Variants in PCCA observed in about 807,000 individuals in gnomAD.
PCCA encodes propionyl-CoA carboxylase subunit alpha.
PCCA carries 74 observed loss-of-function variants against 101.3 expected under a neutral mutation model. The observed-to-expected ratio is 0.73, with a 90% CI of 0.61 to 0.89. The LOEUF (loss-of-function observed/expected upper bound fraction) is 0.89. Ranked by LOEUF, PCCA falls within the 40% of genes least tolerant of loss-of-function variation. The pLI is 0.00. For missense variants in PCCA, 891 were observed against 907.0 expected (o/e 0.98, Z 0.23); for synonymous variants, 294 against 313.6 (o/e 0.94, Z 0.66).
intron 21 of PCCA, among the ~76,000 whole-genome samples, chr13:100,497,502 A>G (rs1026807223): frequency 6.6e-6 from 1 of 150,584 alleles, no homozygotes; most frequent in Non-Finnish European, 1.5e-5. Context: ...GTAAGTACTG[A>G]CTTACCAAGG....
intron 16 of PCCA, among the ~76,000 whole-genome samples, chr13:100,328,732 C>A (rs572625881): frequency 7.4e-6 from 1 of 134,242 alleles, no homozygotes; most frequent in African/African-American, 2.9e-5. Flanking sequence ...CTAGCTCCGT[C>A]GCTGAGGTGG....
At chr13:100,527,594 GA>G in intron 22 of PCCA, 80 bp from the exon 23 acceptor site, 2 of 961,656 alleles carry the variant, frequency 2.1e-6, no homozygotes, top group Non-Finnish European at 3.4e-6. Flanking sequence ...ATTTGACAAA[GA>G]ATTTCTTAAT....
chr13:100,290,600 T>G (rs9300597), intron 12 of PCCA, among the ~76,000 whole-genome samples: 65,862 of 152,054 alleles, frequency 0.43, 16,004 homozygotes, highest in South Asian at 0.65. Flanking sequence ...TAACCCTGCC[T>G]TTTAGTCCAT....
intron 19 of PCCA, among the ~76,000 whole-genome samples, chr13:100,382,183 G>C (rs1407106445): frequency 6.6e-6 from 1 of 152,194 alleles, no homozygotes; most frequent in Non-Finnish European, 1.5e-5. Context: ...GTAAATGCAG[G>C]AATGATTTTA....
At chr13:100,456,002 A>G (rs1045229434) in intron 21 of PCCA, among the ~76,000 whole-genome samples, 6 of 152,156 alleles carry the variant, frequency 3.9e-5, no homozygotes, top group Non-Finnish European at 5.9e-5. Flanking sequence ...GCCCGGCCAT[A>G]TGCAATAGTT....
chr13:100,143,876 T>A (rs916426916), intron 4 of PCCA, among the ~76,000 whole-genome samples: 1 of 151,866 alleles, frequency 6.6e-6, no homozygotes, highest in African/African-American at 2.4e-5. Flanking sequence ...TGCCTCAGCC[T>A]CCCAAGCAGC....
At chr13:100,463,452 T>A (rs1235786974) in intron 21 of PCCA, among the ~76,000 whole-genome samples, 1 of 150,272 alleles carries the variant, frequency 6.7e-6, no homozygotes, top group Non-Finnish European at 1.5e-5. Flanking sequence ...TTGGGCAGAA[T>A]TGAAGATAAT....
chr13:100,231,322 T>C (rs766538222), intron 7 of PCCA, among the ~76,000 whole-genome samples: 16 of 152,180 alleles, frequency 1.1e-4, no homozygotes, highest in Non-Finnish European at 1.9e-4. Flanking sequence ...AGAGAGTTAC[T>C]GGCTGAGGCT....
intron 21 of PCCA, among the ~76,000 whole-genome samples, chr13:100,450,883 A>T (rs1216389276): frequency 6.6e-6 from 1 of 152,244 alleles, no homozygotes; most frequent in African/African-American, 2.4e-5. Context: ...ATTCAAATGT[A>T]TGTCATAATA....
chr13:100,459,259 G>A (rs1245816225), intron 21 of PCCA, among the ~76,000 whole-genome samples: 1 of 152,122 alleles, frequency 6.6e-6, no homozygotes. Flanking sequence ...TTCCAAATAA[G>A]GTCACATTCT....
chr13:100,156,041 A>G (rs2053849637), intron 5 of PCCA, among the ~76,000 whole-genome samples: 1 of 152,178 alleles, frequency 6.6e-6, no homozygotes, highest in Admixed American at 6.5e-5. Context: ...CTTCTGTACC[A>G]TGCTCATAAA....
At chr13:100,154,223 C>T (rs180909981) in intron 4 of PCCA, among the ~76,000 whole-genome samples, 1 of 152,298 alleles carries the variant, frequency 6.6e-6, no homozygotes, top group East Asian at 1.9e-4. Context: ...AAAGAATAGA[C>T]TCCTTTTAGA....
At chr13:100,150,258 C>T (rs905010186) in intron 4 of PCCA, among the ~76,000 whole-genome samples, 3 of 151,904 alleles carry the variant, frequency 2.0e-5, no homozygotes, top group South Asian at 4.2e-4. Context: ...GGTCTTGAAC[C>T]CCTGACCTTG....
intron 6 of PCCA, among the ~76,000 whole-genome samples, chr13:100,190,613 T>C (rs926739119): frequency 3.7e-4 from 56 of 152,072 alleles, no homozygotes; most frequent in African/African-American, 1.3e-3. Context: ...AGGTGGAGGC[T>C]GCAGTGAGCC....
At chr13:100,237,960 A>T (rs2060903821) in intron 8 of PCCA, among the ~76,000 whole-genome samples, 1 of 134,326 alleles carries the variant, frequency 7.4e-6, no homozygotes, top group Non-Finnish European at 1.6e-5. Context: ...TTTTTGAGAC[A>T]GACTTTTCAC....
intron 18 of PCCA, among the ~76,000 whole-genome samples, chr13:100,344,926 T>C (rs1396158948): frequency 2.0e-5 from 3 of 152,230 alleles, no homozygotes; most frequent in African/African-American, 2.4e-5. Flanking sequence ...CTGGGATTAG[T>C]GACCTTTGAT....
intron 1 of PCCA, among the ~76,000 whole-genome samples, chr13:100,101,717 C>T (rs541075911): frequency 6.6e-6 from 1 of 152,208 alleles, no homozygotes; most frequent in African/African-American, 2.4e-5. Flanking sequence ...CTACCTCAGC[C>T]TCCTGAGTAG....
chr13:100,460,858 C>A (rs2082120304), intron 21 of PCCA, among the ~76,000 whole-genome samples: 1 of 152,134 alleles, frequency 6.6e-6, no homozygotes, highest in Admixed American at 6.5e-5. Flanking sequence ...TATGATAATT[C>A]ATCTAGTTGA....
chr13:100,166,868 C>G (rs1376087898), intron 6 of PCCA, among the ~76,000 whole-genome samples: 1 of 152,162 alleles, frequency 6.6e-6, no homozygotes, highest in African/African-American at 2.4e-5. Flanking sequence ...TTTCCGCCAA[C>G]AATGTATGAG....
Sources: gnomAD v4.1 joint callset for allele counts (sites outside exome capture counted in the v4.1 genomes callset) on GRCh38, gnomAD v4.1.1 for gene constraint, MANE v1.5 for transcripts, NCBI Gene and HGNC (gene_info 2026-07-23, HGNC 2026-07-21) for gene names.